Variants in ELF2 observed in about 807,000 individuals in gnomAD.
The protein encoded by ELF2 is E74 like ETS transcription factor 2, also known as ETS-related transcription factor Elf-2.
In ELF2, 11 loss-of-function variants were observed where a neutral mutation model predicts 54.8. The observed-to-expected ratio is 0.20, with a 90% CI of 0.13 to 0.33. The LOEUF (loss-of-function observed/expected upper bound fraction) is 0.33, where lower values mean the gene tolerates loss of function less well. Ranked by LOEUF, ELF2 falls within the 10% of genes least tolerant of loss-of-function variation. The pLI is 1.00. For missense variants in ELF2, 513 were observed against 703.0 expected (o/e 0.73, Z 3.06); for synonymous variants, 203 against 245.1 (o/e 0.83, Z 1.61).
rs1456404353 is a variant in ELF2, at chr4:139,155,862, CTCATA to C, written c.-251-16370_-251-16366del. Among the ~76,000 whole-genome samples the C allele has an allele frequency of 2.0e-4, 30 of 152,256 alleles. 1 individual carries two copies. In the South Asian group the frequency reaches 3.7e-3, roughly 19 times the overall value. ...AGATAAATAATTTTGGCAACAAGCA[CTCATA>C]TCATGAGACTTACTTTAGGAATAAA... is the stretch of plus-strand genomic sequence containing the variant. On this transcript the variant is annotated intron_variant, in intron 1 of 9. Transcript: ENST00000686138.
rs1008522681 is a variant in ELF2 at position 139,084,294 on chromosome 4, C to T, written c.239-10727G>A. ...GCGGCCGGAGACACACGCCGTGCGA[C>T]CGACACACACTCACGCACTCGCACA... On this transcript the variant is annotated intron_variant, in intron 4 of 9. Coordinates refer to ENST00000686138, the MANE Select transcript of ELF2 (RefSeq NM_001331036.3). 3.8e-6 allele frequency: 6 copies of T among 1,599,330 alleles called. No homozygotes were observed. The East Asian group carries it at 8.9e-5, about 24-fold the overall frequency.
chr4:139,071,878 T>C lies in ELF2; in HGVS notation c.514A>G (p.Lys172Glu). 1 of 1,582,350 alleles carries C rather than the reference T, an allele frequency of 6.3e-7. No homozygotes were observed. Among genetic ancestry groups the C allele is most frequent in the Non-Finnish European group, 8.5e-7 (1 of 1,172,276 alleles). ...AAATATACTCTACCTTTTTTCTTTTTCATTGGTTCATGGCTATCTGGTGAT... is the reference window on the plus strand; with the variant it reads ...AAATATACTCTACCTTTTTTCTTTTCCATTGGTTCATGGCTATCTGGTGAT... The part of the protein sequence containing the change: ...PTSPDSHEPM[K>E]KKKVGRKPKT... Residue 172 changes from lysine (K) to glutamate (E), a missense_variant, in exon 6 of 10, where the codon AAA (lysine) becomes GAA (glutamate). Lys to Glu is a moderately conservative substitution (Grantham distance 56). Around this residue, in one of 3 missense-constraint regions of ELF2, gnomAD observed 203 missense variants for 245.9 expected, o/e 0.83. Coordinates refer to ENST00000686138, the MANE Select transcript of ELF2 (RefSeq NM_001331036.3).
intron 4 of ELF2, among the ~76,000 whole-genome samples, chr4:139,113,484 C>G (rs1271630509): frequency 6.6e-6 from 1 of 152,160 alleles, no homozygotes; most frequent in East Asian, 1.9e-4. Flanking sequence ...TCACTTGAAT[C>G]TGGGAGGCAG....
chr4:139,098,308 A>G (rs758357097), intron 4 of ELF2, among the ~76,000 whole-genome samples: 5 of 152,130 alleles, frequency 3.3e-5, no homozygotes, highest in Non-Finnish European at 7.4e-5. Flanking sequence ...TGCTAGATGC[A>G]TGTAAGTTTA....
chr4:139,115,246 C>A (rs1386618176), intron 4 of ELF2: 1 of 1,609,414 alleles, frequency 6.2e-7, no homozygotes, highest in African/African-American at 1.3e-5. Flanking sequence ...ATCGTCCGCG[C>A]CGCCCGGGCC....
At chr4:139,164,005 G>A (rs574338246) in intron 1 of ELF2, among the ~76,000 whole-genome samples, 4 of 148,714 alleles carry the variant, frequency 2.7e-5, no homozygotes, top group Non-Finnish European at 4.5e-5. Context: ...AAAGGAAAGG[G>A]GCAAGGGCAA....
chr4:139,131,051 A>T (rs1336462735), intron 3 of ELF2, among the ~76,000 whole-genome samples: 2 of 152,192 alleles, frequency 1.3e-5, no homozygotes, highest in Non-Finnish European at 2.9e-5. Context: ...CACATGTACA[A>T]GGTTATTTTA....
intron 7 of ELF2, among the ~76,000 whole-genome samples, chr4:139,063,900 T>C (rs1728255420): frequency 6.6e-6 from 1 of 152,170 alleles, no homozygotes; most frequent in Non-Finnish European, 1.5e-5. Context: ...TATCACACTT[T>C]TTTCTCCCTT....
chr4:139,152,891 C>CTT (rs34208004), intron 1 of ELF2, among the ~76,000 whole-genome samples: 1,499 of 103,954 alleles, frequency 0.014, 90 homozygotes, highest in African/African-American at 0.041. Flanking sequence ...TAGTGTCATA[C>CTT]TTTTTTTTTT....
At chr4:139,134,588 AT>A in intron 3 of ELF2, among the ~76,000 whole-genome samples, 1 of 17,944 alleles carries the variant, frequency 5.6e-5, no homozygotes, top group African/African-American at 2.0e-4. Flanking sequence ...TGTTATATTT[AT>A]TTTATTTTAT....
chr4:139,060,386 C>T lies in ELF2; in HGVS notation c.1095G>A (p.Gly365=). ...VARVVNITSP[G]HDASSRSPTT... ...TAGGAGACCTGGATGAAGCATCGTG[C>T]CCAGGGGAAGTGATATTCACAACTC... Residue 365 remains glycine, a synonymous_variant, in exon 9 of 10, where the codon GGG becomes GGA. Coordinates refer to ENST00000686138, the MANE Select transcript of ELF2 (RefSeq NM_001331036.3). 2 of 1,614,026 alleles carry T rather than the reference C, an allele frequency of 1.2e-6. No homozygotes were observed. Among genetic ancestry groups the T allele is most frequent in the African/African-American group, 2.7e-5 (2 of 75,044 alleles).
chr4:139,167,913 C>A (rs78015689), intron 1 of ELF2, among the ~76,000 whole-genome samples: 7 of 152,048 alleles, frequency 4.6e-5, no homozygotes, highest in African/African-American at 1.7e-4. Context: ...CCTCTTAAGG[C>A]GTAGCTTTTT....
intron 4 of ELF2, among the ~76,000 whole-genome samples, chr4:139,090,376 A>G (rs1349049886): frequency 6.6e-6 from 1 of 152,090 alleles, no homozygotes; most frequent in Non-Finnish European, 1.5e-5. Context: ...GTAACAAAAA[A>G]TTTTTCATTG....
intron 6 of ELF2, 93 bp from the exon 7 acceptor site, chr4:139,067,863 A>C (rs1020926067): frequency 2.5e-6 from 3 of 1,193,008 alleles, no homozygotes; most frequent in Non-Finnish European, 3.6e-6. Context: ...TTATTCATTT[A>C]AATGGATACT....
intron 4 of ELF2, among the ~76,000 whole-genome samples, chr4:139,090,585 C>T (rs1732460344): frequency 6.6e-6 from 1 of 152,054 alleles, no homozygotes; most frequent in African/African-American, 2.4e-5. Flanking sequence ...TATCTTCTGC[C>T]AGCCTGCTGT....
chr4:139,081,613 G>A (rs542313314), intron 4 of ELF2, among the ~76,000 whole-genome samples: 40 of 152,248 alleles, frequency 2.6e-4, no homozygotes, highest in Non-Finnish European at 5.1e-4. Context: ...CACACCTGAT[G>A]ACCTCCCTCA....
intron 4 of ELF2, among the ~76,000 whole-genome samples, chr4:139,112,813 T>C (rs28667952): frequency 0.043 from 6,516 of 152,190 alleles, 469 homozygotes; most frequent in African/African-American, 0.15. Flanking sequence ...TCTGAATCAC[T>C]TGAACCAGGA....
rs543460174 is a variant in ELF2, at chr4:139,084,652, G to A, written c.239-11085C>T. 2.8e-4 allele frequency among the ~76,000 whole-genome samples: 43 copies of A among 152,314 alleles called. No homozygotes were observed. In the South Asian group the frequency reaches 7.9e-3, roughly 28 times the overall value. On this transcript the variant is annotated intron_variant, in intron 4 of 9. Coordinates refer to ENST00000686138, the MANE Select transcript of ELF2 (RefSeq NM_001331036.3). ...GGAAGAGGCACATTTCACGCTCTGC[G>A]GAAGAAAAGTCTGCAATTGTCCCCC... is the stretch of plus-strand genomic sequence containing the variant.
chr4:139,125,238 A>G lies in ELF2; in HGVS notation c.164T>C (p.Val55Ala). The change falls in exon 4 of 10, where the codon GTT (valine) becomes GCT (alanine). Residue 55 changes from valine to alanine, a missense_variant. Physicochemically the swap from Val to Ala is moderately conservative, Grantham distance 64. Coordinates refer to ENST00000686138, the MANE Select transcript of ELF2 (RefSeq NM_001331036.3). ...CATCATATAAGTCTCATCATCATAA[A>G]CCAGAACCTGGGCTGCATAGCCCTG... ...LEQGYAAQVL[V>A]YDDETYMMQD... The G allele has an allele frequency of 6.2e-7, 1 of 1,613,944 alleles. No homozygotes were observed. Among genetic ancestry groups the G allele is most frequent in the Non-Finnish European group, 8.5e-7 (1 of 1,179,934 alleles).
Sources: gnomAD v4.1 joint callset for allele counts (sites outside exome capture counted in the v4.1 genomes callset) on GRCh38, gnomAD v4.1.1 for gene constraint, gnomAD v4.1.1 regional missense constraint, MANE v1.5 for transcripts, NCBI Gene and HGNC (gene_info 2026-07-23, HGNC 2026-07-21) for gene names.